Variants in ESRRB observed in about 807,000 individuals in gnomAD.
ESRRB encodes estrogen related receptor beta, also known as steroid hormone receptor ERR2.
ESRRB carries 16 observed loss-of-function variants against 46.0 expected under a neutral mutation model. The observed-to-expected ratio is 0.35, with a 90% CI of 0.24 to 0.53. The LOEUF is 0.53. Ranked by LOEUF, ESRRB falls within the 20% of genes least tolerant of loss-of-function variation. ESRRB has a pLI of 0.93. For missense variants in ESRRB, 488 were observed against 607.4 expected (o/e 0.80, Z 2.07); for synonymous variants, 246 against 259.6 (o/e 0.95, Z 0.50).
At chr14:76,408,138 A>G (rs1242823224) in intron 1 of ESRRB, among the ~76,000 whole-genome samples, 1 of 152,142 alleles carries the variant, frequency 6.6e-6, no homozygotes, top group Admixed American at 6.6e-5. Context: ...AAAAGTGCAC[A>G]TGACCAGGTT....
At chr14:76,338,997 A>G (rs186000787) in intron 1 of ESRRB, among the ~76,000 whole-genome samples, 13 of 152,286 alleles carry the variant, frequency 8.5e-5, no homozygotes, top group African/African-American at 2.9e-4. Context: ...CATGGATAAT[A>G]TGTTGTTACC....
intron 1 of ESRRB, among the ~76,000 whole-genome samples, chr14:76,324,957 C>CT (rs1555388970): frequency 8.6e-6 from 1 of 115,838 alleles, no homozygotes; most frequent in African/African-American, 3.1e-5. Flanking sequence ...TTTTCTTTTT[C>CT]TTTTTCTTTT....
intron 1 of ESRRB, among the ~76,000 whole-genome samples, chr14:76,382,825 T>A (rs1885068705): frequency 6.6e-6 from 1 of 152,222 alleles, no homozygotes. Context: ...CACATTTTGG[T>A]CTGAAAGTTT....
intron 5 of ESRRB, among the ~76,000 whole-genome samples, chr14:76,486,137 C>T (rs1364800905): frequency 1.3e-5 from 2 of 152,200 alleles, no homozygotes; most frequent in Non-Finnish European, 2.9e-5. Flanking sequence ...TCAGAGTGTC[C>T]ATTTCTTATT....
chr14:76,357,193 A>T (rs1384844055), intron 1 of ESRRB, among the ~76,000 whole-genome samples: 1 of 152,268 alleles, frequency 6.6e-6, no homozygotes, highest in African/African-American at 2.4e-5. Context: ...GAGAGAGAAG[A>T]ATCTATATCC....
intron 1 of ESRRB, chr14:76,404,359 T>TAA (rs1178892584): frequency 5.4e-5 from 8 of 149,106 alleles, no homozygotes; most frequent in Admixed American, 2.0e-4. Context: ...TTATATAATA[T>TAA]TATATAATAT....
At chr14:76,381,070 T>A (rs1884993810) in intron 1 of ESRRB, among the ~76,000 whole-genome samples, 1 of 152,166 alleles carries the variant, frequency 6.6e-6, no homozygotes, top group Non-Finnish European at 1.5e-5. Context: ...CTGGGGACAG[T>A]CACAGACATG....
intron 1 of ESRRB, chr14:76,310,937 C>A: frequency 4.4e-6 from 2 of 453,990 alleles, no homozygotes; most frequent in Non-Finnish European, 8.8e-6. Flanking sequence ...CAACTTCTCC[C>A]TTTCTCCTCC....
chr14:76,366,285 AC>A (rs764359843), intron 1 of ESRRB, among the ~76,000 whole-genome samples: 11 of 152,204 alleles, frequency 7.2e-5, no homozygotes, highest in Non-Finnish European at 1.2e-4. Context: ...AAACAAAAAA[AC>A]AAACTAAAGA....
In ESRRB at chr14:76,376,708, T is replaced by C. The variant is rs965784691; in HGVS notation, c.50+257T>C. 6.6e-6 allele frequency among the ~76,000 whole-genome samples: 1 copy of C among 152,114 alleles called. No individual in the cohort carries two copies. The highest frequency in any genetic ancestry group is 2.4e-5 in the African/African-American group (1 of 41,406). On this transcript the variant is annotated intron_variant, in intron 1 of 6. Coordinates refer to ENST00000644823, the MANE Select transcript of ESRRB (RefSeq NM_001379180.1). This position sits in a 1 kb window ranked among gnomAD's most constrained non-coding sequence, Gnocchi z 4.1. The stretch of plus-strand genomic sequence containing the variant: ...AAGAGTGGCGCTTTCTCATGCACTT[T>C]CTCCCTTTCTCTCTCCTCTCTGATC...
chr14:76,399,480 G>A (rs984748497), intron 1 of ESRRB, among the ~76,000 whole-genome samples: 4 of 152,084 alleles, frequency 2.6e-5, no homozygotes, highest in Admixed American at 6.5e-5. Flanking sequence ...ATTCCTCCTC[G>A]TTATGCCCTC....
intron 1 of ESRRB, among the ~76,000 whole-genome samples, chr14:76,381,974 TG>T (rs1339489781): frequency 6.6e-6 from 1 of 152,214 alleles, no homozygotes. Flanking sequence ...CCTTCTGTAC[TG>T]ATCAGGATTA....
intron 3 of ESRRB, among the ~76,000 whole-genome samples, chr14:76,476,611 A>G (rs1889593826): frequency 6.6e-6 from 1 of 152,254 alleles, no homozygotes; most frequent in Admixed American, 6.5e-5. Flanking sequence ...TTTCTGCTGC[A>G]AGTTACGGAG....
rs145050425 is a variant in ESRRB at position 76,330,322 on chromosome 14, A to C, written c.2+19406A>C. Among the ~76,000 whole-genome samples, 604 of 152,302 alleles carry C rather than the reference A, an allele frequency of 4.0e-3. 6 individuals carry two copies. The highest frequency in any genetic ancestry group is 0.011 in the African/African-American group (463 of 41,560). On this transcript the variant is annotated intron_variant, in intron 1 of 6. Coordinates refer to the ESRRB transcript ENST00000512784. ...CCAAATCCCACGAACTCCTGGACCT[A>C]CGTTTTCATCCCGCCTGACACAGTG...
intron 1 of ESRRB, among the ~76,000 whole-genome samples, chr14:76,393,266 G>C (rs1404519299): frequency 2.0e-5 from 3 of 152,106 alleles, no homozygotes; most frequent in Non-Finnish European, 2.9e-5. Flanking sequence ...CCTCCCTAGA[G>C]ACCTATTGCC....
chr14:76,422,206 CTTTTTTTTTTTTT>C (rs552738537), intron 1 of ESRRB, among the ~76,000 whole-genome samples: 1 of 94,772 alleles, frequency 1.1e-5, no homozygotes, highest in Non-Finnish European at 1.9e-5. Flanking sequence ...ACATTTCCTT[CTTTTTTTTTTTTT>C]TTTTTTTTTT....
At chr14:76,478,974 TAG>T (rs1370368226) in intron 3 of ESRRB, among the ~76,000 whole-genome samples, 3 of 152,128 alleles carry the variant, frequency 2.0e-5, no homozygotes, top group African/African-American at 7.2e-5. Flanking sequence ...GCTGTCCCTT[TAG>T]GGTCCAAGGT....
intron 1 of ESRRB, among the ~76,000 whole-genome samples, chr14:76,359,670 G>C (rs1231520440): frequency 6.6e-6 from 1 of 152,182 alleles, no homozygotes; most frequent in Admixed American, 6.5e-5. Context: ...ACCTGAGGAA[G>C]TGGCCCACAG....
In ESRRB at chr14:76,333,127, ATT is replaced by A. The variant is rs1884069912; in HGVS notation, c.2+22212_2+22213del. Among the ~76,000 whole-genome samples, 6 of 4,874 alleles carry A rather than the reference ATT, an allele frequency of 1.2e-3. 2 individuals carry two copies. Among genetic ancestry groups the A allele is most frequent in the African/African-American group, 2.6e-3 (5 of 1,896 alleles). The allele number at this position is 4,874 out of a possible 152,430, so 3.2% of individuals were successfully genotyped here. On this transcript the variant is annotated intron_variant, in intron 1 of 6. Coordinates refer to the ESRRB transcript ENST00000512784. ...ATAATATATAATATATAATATATATATTATATATTATATATTATATATTATAT... is the reference window on the plus strand; with the variant it reads ...ATAATATATAATATATAATATATATAATATATTATATATTATATATTATAT...
Sources: gnomAD v4.1 joint callset for allele counts (sites outside exome capture counted in the v4.1 genomes callset) on GRCh38, gnomAD v4.1.1 for gene constraint, Gnocchi (gnomAD v3.1) non-coding constraint, MANE v1.5 for transcripts, NCBI Gene and HGNC (gene_info 2026-07-23, HGNC 2026-07-21) for gene names.